The following FIGNL2 variants were observed in gnomAD, a reference collection of about 807,000 sequenced individuals.
FIGNL2 encodes the protein fidgetin like 2, also known as fidgetin-like protein 2.
For synonymous variants in FIGNL2, 565 were observed against 484.0 expected (o/e 1.17, Z -2.20); for missense variants, 1,060 against 950.2 (o/e 1.12, Z -1.52).
Position 51,821,617 on chromosome 12 carries a change from T to G in FIGNL2, c.797A>C (p.Lys266Thr), listed in dbSNP as rs1340346353. The change falls in exon 2 of 2, where the codon AAG becomes ACG. Residue 266 changes from lysine to threonine, a missense_variant. Coordinates refer to ENST00000618634, the MANE Select transcript of FIGNL2 (RefSeq NM_001384995.1). Reference sequence around the variant, plus strand: ...GGGCCCCTCGTCGGCGGCCTTGCGCTTCAGCGACAGCCCGGATTCGGCACC... The same window carrying G: ...GGGCCCCTCGTCGGCGGCCTTGCGCGTCAGCGACAGCCCGGATTCGGCACC... ...APGAESGLSL[K>T]RKAADEGPEG... 6.7e-7 allele frequency: 1 copy of G among 1,497,382 alleles called. No individual in the cohort carries two copies. The highest frequency in any genetic ancestry group is 8.9e-7 in the Non-Finnish European group (1 of 1,129,042). 92.8% of individuals were successfully genotyped at this position (1,497,382 alleles called of 1,614,324 possible).
intron 1 of FIGNL2, among the ~76,000 whole-genome samples, chr12:51,839,468 G>A (rs1939627037): frequency 6.6e-6 from 1 of 152,132 alleles, no homozygotes. Context: ...TCTGAATTCT[G>A]CCTCTGTTCT....
Position 51,819,255 on chromosome 12 carries a change from A to C in FIGNL2, c.*1197T>G, listed in dbSNP as rs932527204. On this transcript the variant is annotated 3_prime_UTR_variant, in exon 2 of 2. Coordinates refer to ENST00000618634, the MANE Select transcript of FIGNL2 (RefSeq NM_001384995.1). ...TCTCAGGAAGGAATTGGGCAAGGGC[A>C]TCCTAACTCTGGATAGCCCTTCACA... The C allele has an allele frequency of 6.6e-6, 1 of 152,052 alleles. No individual in the cohort carries two copies. Among genetic ancestry groups the C allele is most frequent in the Non-Finnish European group, 1.5e-5 (1 of 67,978 alleles). The allele number at this position is 152,052 out of a possible 1,614,324, so 9.4% of individuals were successfully genotyped here. A position where few individuals can be genotyped will look rare whatever the true frequency, so the allele number is the denominator to read the frequency against.
At chr12:51,829,982 G>A (rs1939421332) in intron 1 of FIGNL2, among the ~76,000 whole-genome samples, 1 of 152,140 alleles carries the variant, frequency 6.6e-6, no homozygotes, top group South Asian at 2.1e-4. Context: ...AAAGTGCATT[G>A]TATACTTGAA....
intron 1 of FIGNL2, among the ~76,000 whole-genome samples, chr12:51,843,044 C>T (rs537651617): frequency 6.6e-6 from 1 of 152,340 alleles, no homozygotes; most frequent in South Asian, 2.1e-4. Flanking sequence ...TGGGCTCTCC[C>T]TGGCCATGTG....
Position 51,821,927 on chromosome 12 carries a change from C to A in FIGNL2, c.487G>T (p.Gly163Cys). The A allele has an allele frequency of 2.0e-6, 3 of 1,507,012 alleles. No individual in the cohort carries two copies. The highest frequency in any genetic ancestry group is 2.7e-6 in the Non-Finnish European group (3 of 1,129,508). The allele number at this position is 1,507,012 out of a possible 1,614,324, so 93.4% of individuals were successfully genotyped here. The change falls in exon 2 of 2, where the codon GGC becomes TGC. Residue 163 changes from glycine (G) to cysteine (C), a missense_variant. Gly to Cys is a radical substitution (Grantham distance 159, BLOSUM62 -3). Transcript: ENST00000618634. ...SAAPEYAAGY[G>C]GGYLAPGYCA... ...TAACCCGGCGCCAGGTACCCCCCGC[C>A]GTAGCCGGCCGCGTACTCGGGCGCC...
chr12:51,839,978 T>C (rs1447581949), intron 1 of FIGNL2, among the ~76,000 whole-genome samples: 1 of 151,990 alleles, frequency 6.6e-6, no homozygotes, highest in Non-Finnish European at 1.5e-5. Flanking sequence ...TAGTCATGAC[T>C]TTTTGTCAGC....
At chr12:51,836,031 G>A (rs902323743) in intron 1 of FIGNL2, among the ~76,000 whole-genome samples, 4 of 152,054 alleles carry the variant, frequency 2.6e-5, no homozygotes, top group Admixed American at 6.6e-5. Context: ...TGCTGGTCTC[G>A]AACTCCTGAC....
Position 51,821,266 on chromosome 12 carries a change from A to C in FIGNL2, c.1148T>G (p.Val383Gly). Residue 383 changes from valine (V) to glycine (G), a missense_variant, in exon 2 of 2, where the codon GTG becomes GGG. Val to Gly is a moderately radical substitution (Grantham distance 109). Transcript: ENST00000618634. ...CCACTGCACCGGGGGCCCGCAGTCCACCATCTTGCTCGTCACCAGCTCCAG... is the reference window on the plus strand; with the variant it reads ...CCACTGCACCGGGGGCCCGCAGTCCCCCATCTTGCTCGTCACCAGCTCCAG... ...GALELVTSKM[V>G]DCGPPVQWAD... 1 of 1,524,940 alleles carries C rather than the reference A, an allele frequency of 6.6e-7. No individual in the cohort carries two copies. The highest frequency in any genetic ancestry group is 2.6e-5 in the East Asian group (1 of 38,996). 94.5% of individuals were successfully genotyped at this position (1,524,940 alleles called of 1,614,324 possible).
intron 1 of FIGNL2, among the ~76,000 whole-genome samples, chr12:51,842,387 G>T (rs1211402038): frequency 6.6e-6 from 1 of 152,222 alleles, no homozygotes; most frequent in East Asian, 1.9e-4. Context: ...CTGGTGTCCA[G>T]AGAGTTCCCA....
chr12:51,843,757 T>C (rs1939700310), intron 1 of FIGNL2, among the ~76,000 whole-genome samples: 3 of 152,182 alleles, frequency 2.0e-5, no homozygotes, highest in South Asian at 4.2e-4. Flanking sequence ...CTGCCCTGAC[T>C]CCATGTCGGA....
intron 1 of FIGNL2, among the ~76,000 whole-genome samples, chr12:51,827,616 G>C (rs941928761): frequency 6.6e-6 from 1 of 152,208 alleles, no homozygotes; most frequent in African/African-American, 2.4e-5. Context: ...ACAGTCCAGT[G>C]TGGGGCACAA....
chr12:51,821,091 C>T lies in FIGNL2; in HGVS notation c.1323G>A (p.Leu441=), dbSNP rs1176868198. 5 of 1,360,222 alleles carry T rather than the reference C, an allele frequency of 3.7e-6. No individual in the cohort carries two copies. Among genetic ancestry groups the T allele is most frequent in the South Asian group, 3.5e-5 (2 of 56,872 alleles). The allele number at this position is 1,360,222 out of a possible 1,614,324, so 84.3% of individuals were successfully genotyped here. Residue 441 remains leucine, a synonymous_variant, in exon 2 of 2, where the codon CTG becomes CTA. Coordinates refer to ENST00000618634, the MANE Select transcript of FIGNL2 (RefSeq NM_001384995.1). ...CCAGCTGCGTGGCGAGGCAGCGGCC[C>T]AGCAGCGCTTTGCCCGCGCCCCGCG... ...FGPRGAGKAL[L]GRCLATQLGA...
chr12:51,837,341 G>A (rs920904208), intron 1 of FIGNL2, among the ~76,000 whole-genome samples: 4 of 152,140 alleles, frequency 2.6e-5, no homozygotes, highest in Non-Finnish European at 5.9e-5. Context: ...GACATAGGAC[G>A]CAGGCTCCCA....
intron 1 of FIGNL2, among the ~76,000 whole-genome samples, chr12:51,822,796 C>G (rs747385125): frequency 6.6e-6 from 1 of 152,300 alleles, no homozygotes; most frequent in Middle Eastern, 3.4e-3. Context: ...ACATCCCAGC[C>G]CTCGGAATAG....
intron 1 of FIGNL2, among the ~76,000 whole-genome samples, chr12:51,829,212 G>A (rs911831693): frequency 6.6e-6 from 1 of 152,366 alleles, no homozygotes; most frequent in African/African-American, 2.4e-5. Context: ...CTCCCTTATG[G>A]AAATCTCATT....
rs1939201497 is a variant in FIGNL2, at chr12:51,821,674, G to A, written c.740C>T (p.Pro247Leu). The A allele has an allele frequency of 2.2e-6, 3 of 1,392,048 alleles. No individual in the cohort carries two copies. The highest frequency in any genetic ancestry group is 1.8e-6 in the Non-Finnish European group (2 of 1,081,844). The allele number at this position is 1,392,048 out of a possible 1,614,324, so 86.2% of individuals were successfully genotyped here. Reference protein sequence around the residue: ...APTPLPAPAPPTAYGFPTAAP... With the variant: ...APTPLPAPAPLTAYGFPTAAP... ...GGCCGTGGGGAAGCCATAGGCGGTGGGCGGTGCCGGCGCGGGCAGGGGCGT... is the reference window on the plus strand; with the variant it reads ...GGCCGTGGGGAAGCCATAGGCGGTGAGCGGTGCCGGCGCGGGCAGGGGCGT... Residue 247 changes from proline (P) to leucine (L), a missense_variant, in exon 2 of 2, where the codon CCC (proline) becomes CTC (leucine). By Grantham distance (98) the Pro-to-Leu change is moderately conservative (BLOSUM62 -3). Transcript: ENST00000618634.
chr12:51,823,312 ATTTGTCTC>A, intron 1 of FIGNL2: 1 of 152,172 alleles, frequency 6.6e-6, no homozygotes, highest in African/African-American at 2.4e-5. Flanking sequence ...TGGACCACAG[ATTTGTCTC>A]TGAGCTTCCC....
chr12:51,824,377 CT>C (rs1565943272), intron 1 of FIGNL2: 1 of 152,260 alleles, frequency 6.6e-6, no homozygotes, highest in African/African-American at 2.4e-5. Context: ...CACCCCACCC[CT>C]GTTGATGCTC....
rs139867621 is a variant in FIGNL2 at position 51,824,819 on chromosome 12, G to A, written c.-11-2395C>T. Among the ~76,000 whole-genome samples, 508 of 152,306 alleles carry A rather than the reference G, an allele frequency of 3.3e-3. 2 individuals carry two copies. Among genetic ancestry groups the A allele is most frequent in the African/African-American group, 0.012 (493 of 41,560 alleles). On this transcript the variant is annotated intron_variant, in intron 1 of 1. Coordinates refer to ENST00000618634, the MANE Select transcript of FIGNL2 (RefSeq NM_001384995.1). ...AACACTTTAGGAGGCCGAGGCTGGT[G>A]GATCACCTGAGGTCAGAAATTCAAG...
Sources: allele counts gnomAD v4.1 joint callset (sites outside exome capture counted in the v4.1 genomes callset), GRCh38; gene constraint gnomAD v4.1.1; transcripts MANE v1.5; gene names NCBI Gene and HGNC (gene_info 2026-07-23, HGNC 2026-07-21).